The following APOA1 variants were observed in gnomAD, a reference collection of about 807,000 sequenced individuals.
APOA1 encodes the protein apolipoprotein A-I.
A neutral mutation model predicts 25.9 loss-of-function variants in APOA1; 22 were observed. The ratio of observed to expected loss-of-function variants is 0.85; its 90% CI spans 0.61 to 1.21. The LOEUF is 1.21. Ranked by LOEUF, APOA1 falls within the 50% of genes most tolerant of loss-of-function variation. The pLI, the probability that APOA1 is intolerant of heterozygous loss-of-function variation, is 0.00. For missense variants in APOA1, 351 were observed against 347.9 expected, an observed-to-expected ratio of 1.01 and a Z score of -0.07; for synonymous variants, 163 against 152.2, an observed-to-expected ratio of 1.07 and a Z score of -0.52.
At position 116,837,347 on chromosome 11, in the gene APOA1, G is replaced by A. The variant is rs778560581; in HGVS notation, c.41C>T (p.Thr14Met). The A allele has an allele frequency of 5.4e-5, 85 of 1,567,694 alleles. No homozygotes were observed. Among genetic ancestry groups the A allele is most frequent in the East Asian group, 1.4e-4 (6 of 42,658 alleles). ...AVLTLAVLFL[T>M]GSQARHFWQQ... ...TCCCTAGGTTAGGGGACACCTACCC[G>A]TCAGGAAGAGCACGGCCAAGGTCAG... The change falls in exon 2 of 4, where the codon ACG becomes ATG. Residue 14 changes from threonine (T) to methionine (M), a missense_variant and splice_region_variant. Coordinates refer to ENST00000236850, the MANE Select transcript of APOA1 (RefSeq NM_000039.3).
intron 1 of APOA1, 39 bp from the exon 2 acceptor site, chr11:116,837,446 C>T (rs1256226965): frequency 5.8e-6 from 9 of 1,545,270 alleles, no homozygotes; most frequent in Admixed American, 2.0e-5. Context: ...GGGGTGCCTT[C>T]AGCATGCAGA....
At chr11:116,836,533 A>C (rs1591330649) in intron 3 of APOA1, 122 bp from the exon 4 acceptor site, 1 of 1,318,512 alleles carries the variant, frequency 7.6e-7, no homozygotes, top group Non-Finnish European at 1.1e-6. Flanking sequence ...TACACTCTCA[A>C]CCAACACCCC....
chr11:116,835,761 G>A lies in APOA1; in HGVS notation c.*47C>T, dbSNP rs377370544. 2.5e-4 allele frequency: 395 copies of A among 1,611,986 alleles called. 1 individual carries two copies. The African/African-American group carries it at 3.2e-3, about 13-fold the overall frequency. The stretch of plus-strand genomic sequence containing the variant: ...AAAGAAAGAAGCTGCTTCCCACTTT[G>A]GAAACGTTTATTCTGAGCACCGGGA... On this transcript the variant is annotated 3_prime_UTR_variant, in exon 4 of 4. Coordinates refer to ENST00000236850, the MANE Select transcript of APOA1 (RefSeq NM_000039.3).
chr11:116,836,499 G>A (rs1252931120), intron 3 of APOA1, 88 bp from the exon 4 acceptor site: 3 of 1,542,898 alleles, frequency 1.9e-6, no homozygotes, highest in African/African-American at 2.7e-5. Flanking sequence ...TGTCCGCGGA[G>A]GTGCAGTGGC....
At chr11:116,837,476 C>T (rs547989458) in intron 1 of APOA1, 69 bp from the exon 2 acceptor site, 707 of 1,470,268 alleles carry the variant, frequency 4.8e-4, no homozygotes, top group Non-Finnish European at 6.1e-4. Context: ...CTCCCCCACT[C>T]ATTGCAGCCA....
chr11:116,837,329 G>A lies in APOA1; in HGVS notation c.43+16C>T. ...AGCCCCCCGATGGTTGGCTCCCTAGGTTAGGGGACACCTACCCGTCAGGAA... is the reference window on the plus strand; with the variant it reads ...AGCCCCCCGATGGTTGGCTCCCTAGATTAGGGGACACCTACCCGTCAGGAA... On this transcript the variant is annotated intron_variant, in intron 2 of 3. Transcript: ENST00000236850. 6.4e-7 allele frequency: 1 copy of A among 1,573,942 alleles called. No individual in the cohort carries two copies. The highest frequency in any genetic ancestry group is 8.6e-7 in the Non-Finnish European group (1 of 1,159,046).
chr11:116,836,438 G>T, intron 3 of APOA1, 27 bp from the exon 4 acceptor site: 1 of 1,612,214 alleles, frequency 6.2e-7, no homozygotes, highest in East Asian at 2.2e-5. Flanking sequence ...AAGGGTTGAG[G>T]GCTGGCCTCC....
rs757011774 is a variant in APOA1, at chr11:116,836,370, A to T, written c.242T>A (p.Phe81Tyr). ...GCCGAGCTGTTCGCGCAGCTTGCTG[A>T]AGGTGGAGGTCACGCTGTCCCAGTT... ...LDNWDSVTST[F>Y]SKLREQLGPV... Residue 81 changes from phenylalanine (F) to tyrosine (Y), a missense_variant, in exon 4 of 4, where the codon TTC (phenylalanine) becomes TAC (tyrosine). By Grantham distance (22) the Phe-to-Tyr change is conservative. Transcript: ENST00000236850. 6 of 1,614,056 alleles carry T rather than the reference A, an allele frequency of 3.7e-6. No individual in the cohort carries two copies. Among genetic ancestry groups the T allele is most frequent in the Non-Finnish European group, 4.2e-6 (5 of 1,180,022 alleles).
At position 116,837,312 on chromosome 11, in the gene APOA1, G is replaced by A. The variant is rs374345549; in HGVS notation, c.43+33C>T. Reference sequence around the variant, plus strand: ...CGGGGATTTAGGGAGAAAGCCCCCCGATGGTTGGCTCCCTAGGTTAGGGGA... The same window carrying A: ...CGGGGATTTAGGGAGAAAGCCCCCCAATGGTTGGCTCCCTAGGTTAGGGGA... On this transcript the variant is annotated intron_variant, in intron 2 of 3. Coordinates refer to ENST00000236850, the MANE Select transcript of APOA1 (RefSeq NM_000039.3). The A allele has an allele frequency of 3.9e-4, 617 of 1,579,468 alleles. 2 individuals are homozygous for A. Among genetic ancestry groups the A allele is most frequent in the Middle Eastern group, 1.7e-4 (1 of 6,036 alleles).
chr11:116,837,089 G>C lies in APOA1; in HGVS notation c.112C>G (p.Leu38Val), dbSNP rs745889664. Residue 38 changes from leucine (L) to valine (V), a missense_variant, in exon 3 of 4, where the codon CTG (leucine) becomes GTG (valine). Physicochemically the swap from Leu to Val is conservative, Grantham distance 32. Transcript: ENST00000236850. ...PQSPWDRVKD[L>V]ATVYVDVLKD... Reference sequence around the variant, plus strand: ...AGCACATCCACGTACACAGTGGCCAGGTCCTTCACTCGATCCCAGGGGCTC... The same window carrying C: ...AGCACATCCACGTACACAGTGGCCACGTCCTTCACTCGATCCCAGGGGCTC... 8.1e-6 allele frequency: 13 copies of C among 1,614,130 alleles called. No homozygotes were observed. The highest frequency in any genetic ancestry group is 1.0e-5 in the Non-Finnish European group (12 of 1,180,038).
intron 1 of APOA1, 96 bp downstream of exon 1, chr11:116,837,509 G>A (rs750072038): frequency 1.0e-5 from 13 of 1,266,698 alleles, no homozygotes; most frequent in South Asian, 6.5e-5. Context: ...GGCACAGAGC[G>A]GGAGAAGACC....
In APOA1 at chr11:116,836,797, C is replaced by T. The variant is rs5073; in HGVS notation, c.200+204G>A. ...CAGGCACAATGTGGCTCTGTGATCA[C>T]GCATCGGGCAGCCCTGGTCTGTCCT... On this transcript the variant is annotated intron_variant, in intron 3 of 3. Transcript: ENST00000236850. 0.018 allele frequency among the ~76,000 whole-genome samples: 2,814 copies of T among 152,348 alleles called. 82 individuals carry two copies. The highest frequency in any genetic ancestry group is 0.063 in the African/African-American group (2,627 of 41,574).
Position 116,835,996 on chromosome 11 carries a change from T to C in APOA1, c.616A>G (p.Lys206Glu). 6.2e-7 allele frequency: 1 copy of C among 1,609,098 alleles called. No individual in the cohort carries two copies. Among genetic ancestry groups the C allele is most frequent in the Non-Finnish European group, 8.5e-7 (1 of 1,179,832 alleles). ...GCCAGTCTGGCGCCGCCGTTCTCCT[T>C]GAGAGCCTCAAGGCGCGCGGCCAAG... The part of the protein sequence containing the change: ...QRLAARLEAL[K>E]ENGGARLAEY... The change falls in exon 4 of 4, where the codon AAG (lysine) becomes GAG (glutamate). Residue 206 changes from lysine to glutamate, a missense_variant. Transcript: ENST00000236850.
chr11:116,837,123 T>G lies in APOA1; in HGVS notation c.78A>C (p.Glu26Asp). ...CTCGATCCCAGGGGCTCTGGGGGGG[T>G]TCATCTTGCTGCCAGAAATGCCGAG... is the stretch of plus-strand genomic sequence containing the variant. ...SQARHFWQQD[E>D]PPQSPWDRVK... The change falls in exon 3 of 4, where the codon GAA becomes GAC. Residue 26 changes from glutamate (E) to aspartate (D), a missense_variant. Coordinates refer to ENST00000236850, the MANE Select transcript of APOA1 (RefSeq NM_000039.3). 1 of 1,612,704 alleles carries G rather than the reference T, an allele frequency of 6.2e-7. No homozygotes were observed. Among genetic ancestry groups the G allele is most frequent in the Non-Finnish European group, 8.5e-7 (1 of 1,179,348 alleles).
At position 116,837,538 on chromosome 11, in the gene APOA1, G is replaced by A. The variant is rs5069; in HGVS notation, c.-21+67C>T. ...GAAGACCTCAGGTACCCAGAGGCCC[G>A]GCCTGGGGCAAGGCCTGAACCTTGA... On this transcript the variant is annotated intron_variant, in intron 1 of 3. Coordinates refer to ENST00000236850, the MANE Select transcript of APOA1 (RefSeq NM_000039.3). 47,384 of 950,756 alleles carry A rather than the reference G, an allele frequency of 0.05. 3,218 individuals carry two copies. Among genetic ancestry groups the A allele is most frequent in the African/African-American group, 0.29 (17,877 of 60,980 alleles). 58.9% of individuals were successfully genotyped at this position (950,756 alleles called of 1,614,324 possible).
chr11:116,837,288 G>A (rs1233086298), intron 2 of APOA1, 57 bp downstream of exon 2: 19 of 1,589,104 alleles, frequency 1.2e-5, no homozygotes, highest in African/African-American at 6.7e-5. Flanking sequence ...GGTGGGCCAC[G>A]GGGATTTAGG....
At chr11:116,836,469 G>T in intron 3 of APOA1, 58 bp from the exon 4 acceptor site, 2 of 1,603,436 alleles carry the variant, frequency 1.2e-6, no homozygotes, top group South Asian at 1.1e-5. Context: ...GCCTATCAGG[G>T]GTGAGCCCTG....
Position 116,836,122 on chromosome 11 carries a change from T to C in APOA1, c.490A>G (p.Lys164Glu). 1 of 1,612,598 alleles carries C rather than the reference T, an allele frequency of 6.2e-7. No individual in the cohort carries two copies. Among genetic ancestry groups the C allele is most frequent in the South Asian group, 1.1e-5 (1 of 91,084 alleles). The change falls in exon 4 of 4, where the codon AAG becomes GAG. Residue 164 changes from lysine to glutamate, a missense_variant. Physicochemically the swap from Lys to Glu is moderately conservative, Grantham distance 56 (BLOSUM62 1). Transcript: ENST00000236850. ...ATCTCCTCGCCCAGTGGGCTCAGCT[T>C]CTCTTGCAGCTCGTGCAGCTTCTGG... ...ARQKLHELQE[K>E]LSPLGEEMRD...
intron 1 of APOA1, 52 bp downstream of exon 1, chr11:116,837,553 C>A: frequency 1.2e-6 from 1 of 805,664 alleles, no homozygotes; most frequent in Non-Finnish European, 2.0e-6. Context: ...GGGGCAAGGC[C>A]TGAACCTTGA....
Sources: allele counts gnomAD v4.1 joint callset (sites outside exome capture counted in the v4.1 genomes callset), GRCh38; gene constraint gnomAD v4.1.1; transcripts MANE v1.5; gene names NCBI Gene and HGNC (gene_info 2026-07-23, HGNC 2026-07-21).